Variants in CHODL observed in about 807,000 individuals in gnomAD.
The protein encoded by CHODL is chondrolectin.
CHODL carries 29 observed loss-of-function variants against 34.5 expected under a neutral mutation model. That is an observed-to-expected ratio of 0.84 (90% CI 0.63 to 1.15). The LOEUF is 1.15. CHODL is among the 50% of genes most tolerant of loss of function. CHODL has a pLI of 0.00. For missense variants in CHODL, 332 were observed against 332.5 expected (o/e 1.00, Z 0.01); for synonymous variants, 125 against 116.1 (o/e 1.08, Z -0.49).
chr21:18,026,554 G>T (rs2064177810), intron 1 of CHODL, among the ~76,000 whole-genome samples: 1 of 152,112 alleles, frequency 6.6e-6, no homozygotes. Context: ...CTAATTGATG[G>T]CATATGGAAC....
intron 1 of CHODL, among the ~76,000 whole-genome samples, chr21:17,927,126 A>ATATATGTATATATGTATATATATG (rs1418947136): frequency 8.8e-6 from 1 of 113,362 alleles, no homozygotes; most frequent in African/African-American, 3.9e-5. Context: ...GTATATATGT[A>ATATATGTATATATGTATATATATG]TATATATGTA....
Position 17,976,163 on chromosome 21 carries a change from T to TG in CHODL, c.-144-51703dup, listed in dbSNP as rs774881940. On this transcript the variant is annotated intron_variant, in intron 1 of 6. Coordinates refer to the CHODL transcript ENST00000400127. ...GCTCATGCATGTAGTCCTAGTTACT[T>TG]GGGGGGCTAAGGCAGGAGGATTGCT... is the stretch of plus-strand genomic sequence containing the variant. 5.6e-4 allele frequency among the ~76,000 whole-genome samples: 82 copies of TG among 147,090 alleles called. 2 individuals are homozygous for TG. The highest frequency in any genetic ancestry group is 1.2e-3 in the Admixed American group (17 of 14,226).
At chr21:18,077,769 C>A (rs8132948) in intron 2 of CHODL, among the ~76,000 whole-genome samples, 2 of 152,206 alleles carry the variant, frequency 1.3e-5, no homozygotes, top group African/African-American at 4.8e-5. Context: ...CCAAGCCTCC[C>A]GAATTGTGAG....
intron 2 of CHODL, among the ~76,000 whole-genome samples, chr21:18,090,707 C>T (rs1182267480): frequency 7.9e-6 from 1 of 127,218 alleles, no homozygotes. Context: ...GTTTCAGAAA[C>T]TTGCTATTAT....
intron 2 of CHODL, among the ~76,000 whole-genome samples, chr21:18,177,639 A>G (rs1021259083): frequency 4.6e-5 from 7 of 152,266 alleles, no homozygotes; most frequent in South Asian, 2.1e-4. Context: ...ATGTGCCAAC[A>G]TTTGTGAACA....
chr21:18,064,154 T>C (rs1346790065), intron 2 of CHODL, among the ~76,000 whole-genome samples: 1 of 152,178 alleles, frequency 6.6e-6, no homozygotes, highest in African/African-American at 2.4e-5. Context: ...AATTGTGTCA[T>C]ATCCATAAGT....
chr21:18,212,593 A>G (rs2073785176), intron 2 of CHODL, among the ~76,000 whole-genome samples: 1 of 152,086 alleles, frequency 6.6e-6, no homozygotes, highest in African/African-American at 2.4e-5. Context: ...CAGCTAAACA[A>G]TTTTCTAAAC....
intron 1 of CHODL, among the ~76,000 whole-genome samples, chr21:17,973,677 C>T (rs1476928033): frequency 6.6e-6 from 1 of 151,892 alleles, no homozygotes; most frequent in Middle Eastern, 3.2e-3. Context: ...ACCTCAGCCT[C>T]CCAGCGTGCT....
intron 2 of CHODL, among the ~76,000 whole-genome samples, chr21:18,067,050 A>G (rs2064740734): frequency 6.6e-6 from 1 of 152,192 alleles, no homozygotes; most frequent in African/African-American, 2.4e-5. Flanking sequence ...TAGTGAACTA[A>G]TACAGGGAGG....
chr21:18,242,698 C>T (rs1195701609), upstream of CHODL, among the ~76,000 whole-genome samples: 2 of 152,168 alleles, frequency 1.3e-5, no homozygotes, highest in Non-Finnish European at 2.9e-5. Flanking sequence ...TGCTGAACAG[C>T]CTTAGTTAAT....
intron 2 of CHODL, among the ~76,000 whole-genome samples, chr21:18,029,586 A>G (rs1196341035): frequency 6.6e-6 from 1 of 152,168 alleles, no homozygotes; most frequent in Non-Finnish European, 1.5e-5. Context: ...TTATCTATCT[A>G]TAAATTTAGC....
intron 2 of CHODL, among the ~76,000 whole-genome samples, chr21:18,072,969 T>C (rs2064823318): frequency 6.6e-6 from 1 of 152,200 alleles, no homozygotes; most frequent in Admixed American, 6.6e-5. Context: ...TTAAAGTTTA[T>C]ATTTTGATAC....
At chr21:18,100,468 G>C (rs951064268) in intron 2 of CHODL, among the ~76,000 whole-genome samples, 1 of 152,036 alleles carries the variant, frequency 6.6e-6, no homozygotes, top group Non-Finnish European at 1.5e-5. Flanking sequence ...GTGACTGTTT[G>C]GTTTGTGAAT....
chr21:18,259,855 C>T (rs970221634), intron 3 of CHODL, among the ~76,000 whole-genome samples: 3 of 152,148 alleles, frequency 2.0e-5, no homozygotes, highest in East Asian at 3.9e-4. Flanking sequence ...CACACTCTTA[C>T]GTTTGCCAAT....
At chr21:18,102,331 C>T (rs2065225635) in intron 2 of CHODL, among the ~76,000 whole-genome samples, 1 of 152,134 alleles carries the variant, frequency 6.6e-6, no homozygotes, top group African/African-American at 2.4e-5. Context: ...CTGCTGTTCC[C>T]AGTAAGTTAC....
At chr21:18,225,805 C>T (rs1177563764) in intron 2 of CHODL, among the ~76,000 whole-genome samples, 2 of 151,952 alleles carry the variant, frequency 1.3e-5, no homozygotes, top group African/African-American at 4.8e-5. Context: ...AGAAACCAGA[C>T]ACATAACAGT....
chr21:18,218,811 C>G (rs2146735192), intron 2 of CHODL, among the ~76,000 whole-genome samples: 1 of 152,254 alleles, frequency 6.6e-6, no homozygotes, highest in Admixed American at 6.5e-5. Context: ...ATAGCAAGAG[C>G]AACCTTTACT....
At chr21:18,099,486 A>G (rs1466910037) in intron 2 of CHODL, among the ~76,000 whole-genome samples, 7 of 151,752 alleles carry the variant, frequency 4.6e-5, no homozygotes, top group Non-Finnish European at 1.0e-4. Flanking sequence ...AATACCTAAT[A>G]TGATTTAAAA....
At chr21:17,966,012 A>G (rs934639082) in intron 1 of CHODL, among the ~76,000 whole-genome samples, 4 of 150,604 alleles carry the variant, frequency 2.7e-5, no homozygotes, top group South Asian at 4.2e-4. Flanking sequence ...ATGTTCTTGT[A>G]TATATCACTA....
Sources: gnomAD v4.1 joint callset for allele counts (sites outside exome capture counted in the v4.1 genomes callset) on GRCh38, gnomAD v4.1.1 for gene constraint, MANE v1.5 for transcripts, NCBI Gene and HGNC (gene_info 2026-07-23, HGNC 2026-07-21) for gene names.